Variants in CFAP58 observed in about 807,000 individuals in gnomAD.
CFAP58 encodes cilia- and flagella-associated protein 58.
A neutral mutation model predicts 119.5 loss-of-function variants in CFAP58; 88 were observed. The observed-to-expected ratio is 0.74, with a 90% CI of 0.62 to 0.88. The LOEUF (loss-of-function observed/expected upper bound fraction) is 0.88. CFAP58 is among the 40% of genes least tolerant of loss of function. The pLI is 0.00. For synonymous variants in CFAP58, 365 were observed against 366.3 expected, an observed-to-expected ratio of 1.00 and a Z score of 0.04; for missense variants, 990 against 1,021.2, an observed-to-expected ratio of 0.97 and a Z score of 0.42.
At chr10:104,406,592 C>A in intron 14 of CFAP58, 97 bp from the exon 15 acceptor site, 1 of 935,712 alleles carries the variant, frequency 1.1e-6, no homozygotes, top group Non-Finnish European at 1.7e-6. Flanking sequence ...TGCAGGTTTG[C>A]AACAGATTTT....
the CFAP58 span, among the ~76,000 whole-genome samples, chr10:104,342,990 T>C: frequency 1.3e-5 from 2 of 152,218 alleles, no homozygotes; most frequent in African/African-American, 4.8e-5. Context: ...TCACCCCATC[T>C]GTGGTTATTC....
At chr10:104,358,091 A>ATG (rs2014616539) in intron 1 of CFAP58, among the ~76,000 whole-genome samples, 1 of 149,640 alleles carries the variant, frequency 6.7e-6, no homozygotes, top group African/African-American at 2.5e-5. Flanking sequence ...ATATACACAC[A>ATG]TATATATGTA....
At chr10:104,357,828 CATATATGT>C (rs2014569984) in intron 1 of CFAP58, among the ~76,000 whole-genome samples, 17 of 136,256 alleles carry the variant, frequency 1.2e-4, no homozygotes, top group Middle Eastern at 4.1e-3. Flanking sequence ...CATATATACA[CATATATGT>C]ACACATATGT....
In CFAP58 at chr10:104,380,178, G is replaced by T; in HGVS notation, c.1323G>T (p.Glu441Asp). The T allele has an allele frequency of 6.2e-7, 1 of 1,614,126 alleles. No homozygotes were observed. Among genetic ancestry groups the T allele is most frequent in the Non-Finnish European group, 8.5e-7 (1 of 1,180,002 alleles). ...QRKIIFHLEK[E>D]RDRYINQASD... ...AGATCATCTTTCATCTGGAAAAGGA[G>T]CGTGACCGGTACATCAACCAAGCCA... The change falls in exon 9 of 18, where the codon GAG becomes GAT. Residue 441 changes from glutamate to aspartate, a missense_variant. Glu to Asp is a conservative substitution (Grantham distance 45, BLOSUM62 2). Coordinates refer to ENST00000369704, the MANE Select transcript of CFAP58 (RefSeq NM_001008723.2).
chr10:104,351,126 G>T (rs1360329826), upstream of CFAP58, among the ~76,000 whole-genome samples: 1 of 152,176 alleles, frequency 6.6e-6, no homozygotes, highest in Non-Finnish European at 1.5e-5. Flanking sequence ...TGGGTTGCCT[G>T]TCCCATTTCA....
intron 15 of CFAP58, among the ~76,000 whole-genome samples, chr10:104,418,371 A>AC (rs1412740408): frequency 6.6e-6 from 1 of 151,972 alleles, no homozygotes; most frequent in African/African-American, 2.4e-5. Context: ...ACATGGTGAA[A>AC]CCCCATCTCT....
In CFAP58 at chr10:104,364,885, G is replaced by A. The variant is rs775703776; in HGVS notation, c.593G>A (p.Ser198Asn). Residue 198 changes from serine (S) to asparagine (N), a missense_variant, in exon 4 of 18, where the codon AGT becomes AAT. Transcript: ENST00000369704. ...RSKEEAEHAI[S>N]QFQQEIQQRQ... ...AAAGAGGAGGCTGAACATGCCATCA[G>A]TCAGGTCTGCCATGGAGGGCAAGAA... 6 of 1,611,634 alleles carry A rather than the reference G, an allele frequency of 3.7e-6. No individual in the cohort carries two copies. In the South Asian group the frequency reaches 6.6e-5, roughly 18 times the overall value.
chr10:104,415,182 C>G (rs550532160), intron 15 of CFAP58, among the ~76,000 whole-genome samples: 112 of 152,166 alleles, frequency 7.4e-4, no homozygotes, highest in African/African-American at 2.7e-3. Context: ...CAGTTTGGGT[C>G]TCTTCAAATC....
rs116832746 is a variant in CFAP58 at position 104,412,877 on chromosome 10, C to A, written c.2256+6084C>A. Among the ~76,000 whole-genome samples the A allele has an allele frequency of 1.7e-3, 258 of 152,280 alleles. 1 individual carries two copies. The highest frequency in any genetic ancestry group is 5.9e-3 in the African/African-American group (244 of 41,554). ...CTCTGCCTGGGCAACTCCTGCCTAC[C>A]CTTTAGGTCTTAGCTTAAATATTTT... On this transcript the variant is annotated intron_variant, in intron 15 of 17. Coordinates refer to ENST00000369704, the MANE Select transcript of CFAP58 (RefSeq NM_001008723.2).
chr10:104,409,844 T>C (rs933480104), intron 15 of CFAP58, among the ~76,000 whole-genome samples: 1 of 139,626 alleles, frequency 7.2e-6, no homozygotes, highest in African/African-American at 2.8e-5. Flanking sequence ...GAATATCTCT[T>C]GTAATTAAAA....
chr10:104,355,056 C>T (rs1589904765), intron 1 of CFAP58, among the ~76,000 whole-genome samples: 2 of 152,206 alleles, frequency 1.3e-5, no homozygotes, highest in East Asian at 1.9e-4. Flanking sequence ...TCTTTCATAT[C>T]ATCCATCTTC....
chr10:104,453,521 G>C (rs923315977), intron 17 of CFAP58, among the ~76,000 whole-genome samples: 1 of 152,102 alleles, frequency 6.6e-6, no homozygotes, highest in African/African-American at 2.4e-5. Context: ...CACTTCCCCT[G>C]TCTACCCTAC....
intron 15 of CFAP58, among the ~76,000 whole-genome samples, chr10:104,413,923 T>C (rs1157342777): frequency 6.6e-6 from 1 of 152,216 alleles, no homozygotes; most frequent in Non-Finnish European, 1.5e-5. Flanking sequence ...CTCAAATGGT[T>C]TCTTCCAAAT....
At chr10:104,416,979 A>C (rs1348368498) in intron 15 of CFAP58, among the ~76,000 whole-genome samples, 1 of 152,214 alleles carries the variant, frequency 6.6e-6, no homozygotes, top group Non-Finnish European at 1.5e-5. Flanking sequence ...TGCTACTCCA[A>C]GCATGGACTC....
At chr10:104,424,341 C>G (rs1373194744) in intron 15 of CFAP58, among the ~76,000 whole-genome samples, 5 of 152,148 alleles carry the variant, frequency 3.3e-5, no homozygotes, top group Non-Finnish European at 7.4e-5. Context: ...ACACTTTCCT[C>G]CAATGTGTGT....
chr10:104,366,031 C>CA (rs1204922023), intron 5 of CFAP58, 23 bp downstream of exon 5: 4 of 1,533,352 alleles, frequency 2.6e-6, no homozygotes, highest in African/African-American at 1.4e-5. Flanking sequence ...TGGGTCTTCG[C>CA]AAAAAACCAA....
intron 15 of CFAP58, among the ~76,000 whole-genome samples, chr10:104,424,093 G>A (rs1259334965): frequency 2.0e-5 from 3 of 152,118 alleles, no homozygotes; most frequent in African/African-American, 7.2e-5. Flanking sequence ...TCTTAAAGCA[G>A]CTCTGATAGA....
chr10:104,344,639 G>T, the CFAP58 span, among the ~76,000 whole-genome samples: 1 of 151,110 alleles, frequency 6.6e-6, no homozygotes, highest in Middle Eastern at 3.2e-3. Flanking sequence ...TGCAAACCTT[G>T]GTGCTAGATT....
intron 15 of CFAP58, among the ~76,000 whole-genome samples, chr10:104,408,296 C>A (rs984529991): frequency 1.4e-4 from 21 of 152,194 alleles, no homozygotes; most frequent in Non-Finnish European, 3.1e-4. Flanking sequence ...GAATTACATA[C>A]ATTGTACAAA....
Sources: gnomAD v4.1 joint callset for allele counts (sites outside exome capture counted in the v4.1 genomes callset) on GRCh38, gnomAD v4.1.1 for gene constraint, MANE v1.5 for transcripts, NCBI Gene and HGNC (gene_info 2026-07-23, HGNC 2026-07-21) for gene names.